GOLM2: variants seen among roughly 807,000 people sequenced by gnomAD.
GOLM2 encodes the protein protein GOLM2.
Under a neutral mutation model 55.9 loss-of-function variants are expected in GOLM2, and 26 were observed. The ratio of observed to expected loss-of-function variants is 0.47; its 90% confidence interval spans 0.34 to 0.65. The LOEUF (loss-of-function observed/expected upper bound fraction) is 0.65, where lower values mean the gene tolerates loss of function less well. Ranked by LOEUF, GOLM2 falls within the 30% of genes least tolerant of loss-of-function variation. The pLI is 0.01. For synonymous variants in GOLM2, 165 were observed against 194.6 expected, an observed-to-expected ratio of 0.85 and a Z score of 1.27; for missense variants, 486 against 531.8, an observed-to-expected ratio of 0.91 and a Z score of 0.85.
intron 6 of GOLM2, among the ~76,000 whole-genome samples, chr15:44,375,911 T>C (rs1425092609): frequency 6.6e-6 from 1 of 152,220 alleles, no homozygotes; most frequent in Non-Finnish European, 1.5e-5. Flanking sequence ...CTAAAAAGGA[T>C]GATGCTGAGC....
intron 4 of GOLM2, among the ~76,000 whole-genome samples, chr15:44,336,760 CA>C (rs1448618682): frequency 1.3e-5 from 2 of 151,660 alleles, no homozygotes; most frequent in African/African-American, 4.8e-5. Flanking sequence ...ACTAAAAATA[CA>C]AAAAATTAGC....
At chr15:44,367,395 A>G (rs887761705) in intron 6 of GOLM2, among the ~76,000 whole-genome samples, 4 of 152,096 alleles carry the variant, frequency 2.6e-5, no homozygotes, top group East Asian at 1.9e-4. Flanking sequence ...GAATTTTTCA[A>G]CTTTTATCTG....
chr15:44,331,841 T>TA, intron 3 of GOLM2, 147 bp from the exon 4 acceptor site: 1 of 556,532 alleles, frequency 1.8e-6, no homozygotes, highest in Non-Finnish European at 3.2e-6. Flanking sequence ...GTTTTGATTG[T>TA]GAGCTATTTG....
At chr15:44,342,394 G>C (rs1021288876) in intron 6 of GOLM2, among the ~76,000 whole-genome samples, 1 of 152,096 alleles carries the variant, frequency 6.6e-6, no homozygotes, top group Non-Finnish European at 1.5e-5. Flanking sequence ...CTCCCGAGTA[G>C]CTGGGACTAC....
intron 6 of GOLM2, chr15:44,355,658 T>C: frequency 4.5e-6 from 1 of 223,864 alleles, no homozygotes; most frequent in Non-Finnish European, 9.1e-6. Context: ...AACGGGGTGG[T>C]GGACCTCATG....
Position 44,289,672 on chromosome 15 carries a change from C to T in GOLM2, c.327+316C>T, listed in dbSNP as rs759977254. On this transcript the variant is annotated intron_variant, in intron 1 of 9. Coordinates refer to ENST00000299957, the MANE Select transcript of GOLM2 (RefSeq NM_138423.4). This position sits in a 1 kb window ranked among gnomAD's most constrained non-coding sequence, Gnocchi z 4.8. The stretch of plus-strand genomic sequence containing the variant: ...CTGGCCTGTGTGGCCCCCTTACCTT[C>T]AAAGACACACAAATCTGGCGACTGC... Among the ~76,000 whole-genome samples, 1 of 152,224 alleles carries T rather than the reference C, an allele frequency of 6.6e-6. No individual in the cohort carries two copies. Among genetic ancestry groups the T allele is most frequent in the Non-Finnish European group, 1.5e-5 (1 of 68,036 alleles).
At chr15:44,377,874 T>TA (rs529346172) in intron 6 of GOLM2, among the ~76,000 whole-genome samples, 3,343 of 150,288 alleles carry the variant, frequency 0.022, 52 homozygotes, top group Non-Finnish European at 0.032. Context: ...TGTACAGAAA[T>TA]AAAAAAAAAC....
chr15:44,405,232 A>G (rs1263215963), intron 9 of GOLM2: 2 of 152,222 alleles, frequency 1.3e-5, no homozygotes, highest in Non-Finnish European at 2.9e-5. Context: ...ACCGATACTA[A>G]GGAATATAAG....
At chr15:44,307,590 A>G (rs1291590447) in intron 1 of GOLM2, 18 of 152,202 alleles carry the variant, frequency 1.2e-4, no homozygotes, top group Admixed American at 1.2e-3. Context: ...TTCAAAGTTT[A>G]TTATATGCAT....
chr15:44,379,719 C>T lies in GOLM2; in HGVS notation c.832C>T (p.Gln278Ter), dbSNP rs2079389318. The change falls in exon 7 of 10, where the codon CAA becomes TAA. Residue 278 changes from glutamine to a stop codon, truncating the protein, a stop_gained. Coordinates refer to ENST00000299957, the MANE Select transcript of GOLM2 (RefSeq NM_138423.4). LOFTEE classifies it high-confidence loss of function. ...ALRKPPISVS[Q>*]HESHQAISHL... ...AAGGAAGCCTCCTATTTCAGTTTCTCAACATGAAAGTCATCAAGCAATCTC... is the reference window on the plus strand; with the variant it reads ...AAGGAAGCCTCCTATTTCAGTTTCTTAACATGAAAGTCATCAAGCAATCTC... 2.0e-6 allele frequency: 3 copies of T among 1,525,074 alleles called. No individual in the cohort carries two copies. The highest frequency in any genetic ancestry group is 2.7e-6 in the Non-Finnish European group (3 of 1,123,504). The allele number at this position is 1,525,074 out of a possible 1,614,324, so 94.5% of individuals were successfully genotyped here. A position where few individuals can be genotyped will look rare whatever the true frequency, so the allele number is the denominator to read the frequency against.
intron 6 of GOLM2, among the ~76,000 whole-genome samples, chr15:44,361,360 G>A (rs1269222526): frequency 6.6e-6 from 1 of 152,042 alleles, no homozygotes; most frequent in Non-Finnish European, 1.5e-5. Flanking sequence ...ATGATAAAGG[G>A]GATATCACCA....
At chr15:44,340,907 G>C (rs1163010285) in intron 6 of GOLM2, among the ~76,000 whole-genome samples, 1 of 152,028 alleles carries the variant, frequency 6.6e-6, no homozygotes, top group Non-Finnish European at 1.5e-5. Flanking sequence ...CCAAAGTTTT[G>C]TCAAGGACAT....
intron 6 of GOLM2, among the ~76,000 whole-genome samples, chr15:44,371,081 A>T (rs2079326799): frequency 6.6e-6 from 1 of 152,172 alleles, no homozygotes; most frequent in South Asian, 2.1e-4. Flanking sequence ...GGAAATCCCC[A>T]TATAGATTTC....
At chr15:44,290,424 T>C (rs2078712323) in intron 1 of GOLM2, among the ~76,000 whole-genome samples, 1 of 152,224 alleles carries the variant, frequency 6.6e-6, no homozygotes, top group South Asian at 2.1e-4. Context: ...TGAATTAAAC[T>C]GTCTGTGAGC....
At chr15:44,388,821 A>AT (rs78805742) in intron 8 of GOLM2, among the ~76,000 whole-genome samples, 69 of 142,854 alleles carry the variant, frequency 4.8e-4, no homozygotes, top group East Asian at 6.1e-4. Flanking sequence ...ATGAAAATTC[A>AT]TTTTTTTTTT....
At chr15:44,403,174 T>G in intron 9 of GOLM2, 120 bp downstream of exon 9, 1 of 1,205,610 alleles carries the variant, frequency 8.3e-7, no homozygotes, top group Non-Finnish European at 1.2e-6. Flanking sequence ...TTTTTGTTTT[T>G]TCTTTGTGAC....
chr15:44,395,711 G>C (rs941201353), intron 8 of GOLM2, among the ~76,000 whole-genome samples: 6 of 151,678 alleles, frequency 4.0e-5, no homozygotes, highest in African/African-American at 1.5e-4. Context: ...GTGGTGGTAC[G>C]CGCCTGTAGT....
At chr15:44,362,042 C>T (rs1595648620) in intron 6 of GOLM2, among the ~76,000 whole-genome samples, 2 of 152,074 alleles carry the variant, frequency 1.3e-5, no homozygotes, top group African/African-American at 4.8e-5. Flanking sequence ...TGGAACATAT[C>T]TCAAAATAAT....
intron 1 of GOLM2, among the ~76,000 whole-genome samples, chr15:44,315,389 T>A (rs1397995034): frequency 2.0e-5 from 3 of 152,174 alleles, no homozygotes; most frequent in Admixed American, 2.0e-4. Context: ...GCTGAGCCAT[T>A]TTCAAGGTTC....
Sources: allele counts gnomAD v4.1 joint callset (sites outside exome capture counted in the v4.1 genomes callset), GRCh38; gene constraint gnomAD v4.1.1; non-coding constraint Gnocchi (gnomAD v3.1); transcripts MANE v1.5; gene names NCBI Gene and HGNC (gene_info 2026-07-23, HGNC 2026-07-21).